The following CALCRL variants were observed in gnomAD, a reference collection of about 807,000 sequenced individuals.
The protein encoded by CALCRL is calcitonin gene-related peptide type 1 receptor.
Under a neutral mutation model 60.4 loss-of-function variants are expected in CALCRL, and 27 were observed. The observed-to-expected ratio is 0.45, with a 90% CI of 0.33 to 0.62. The LOEUF (loss-of-function observed/expected upper bound fraction) is 0.62. Among genes scored for constraint, CALCRL ranks in the 20% least tolerant of loss-of-function variants. The probability of loss-of-function intolerance (pLI) is 0.03; values close to 1 mark genes in which losing one functional copy is unlikely to be tolerated. For synonymous variants in CALCRL, 190 were observed against 182.6 expected (o/e 1.04, Z -0.33); for missense variants, 424 against 540.7 (o/e 0.78, Z 2.14).
At chr2:187,383,691 C>G (rs917712334) in intron 4 of CALCRL, among the ~76,000 whole-genome samples, 2 of 152,134 alleles carry the variant, frequency 1.3e-5, no homozygotes, top group East Asian at 1.9e-4. Flanking sequence ...GTCCCCTCCC[C>G]CAAAGCCTCT....
chr2:187,363,651 C>A, intron 8 of CALCRL, 149 bp from the exon 9 acceptor site: 1 of 807,676 alleles, frequency 1.2e-6, no homozygotes. Context: ...TTACAAAAAT[C>A]TTAATTAGGG....
intron 1 of CALCRL, among the ~76,000 whole-genome samples, chr2:187,438,126 C>G (rs1690731501): frequency 6.6e-6 from 1 of 152,042 alleles, no homozygotes; most frequent in Non-Finnish European, 1.5e-5. Flanking sequence ...AAAGTTAACA[C>G]TGAATCTCAA....
chr2:187,386,539 A>G (rs1264368872), intron 3 of CALCRL, among the ~76,000 whole-genome samples: 1 of 152,150 alleles, frequency 6.6e-6, no homozygotes, highest in Non-Finnish European at 1.5e-5. Flanking sequence ...GAATATTTTT[A>G]ATACTAAGTA....
chr2:187,362,582 A>ACACG (rs1247164171), intron 9 of CALCRL, among the ~76,000 whole-genome samples: 2 of 151,830 alleles, frequency 1.3e-5, no homozygotes, highest in African/African-American at 4.8e-5. Flanking sequence ...ATAGACACAC[A>ACACG]CACACACAAA....
intron 1 of CALCRL, among the ~76,000 whole-genome samples, chr2:187,434,636 G>A (rs1259567117): frequency 6.6e-6 from 1 of 152,160 alleles, no homozygotes; most frequent in Non-Finnish European, 1.5e-5. Flanking sequence ...TGTGTACCAG[G>A]AGATATGTTA....
At chr2:187,408,202 G>C (rs1329073720) in intron 1 of CALCRL, among the ~76,000 whole-genome samples, 2 of 151,862 alleles carry the variant, frequency 1.3e-5, no homozygotes, top group African/African-American at 4.8e-5. Flanking sequence ...AACCTTTTCT[G>C]GTTAATTTAC....
At chr2:187,381,525 G>A (rs915516811) in intron 5 of CALCRL, among the ~76,000 whole-genome samples, 3 of 150,468 alleles carry the variant, frequency 2.0e-5, no homozygotes, top group Non-Finnish European at 4.4e-5. Context: ...GTGTGATCTC[G>A]GCTCACTGCA....
Position 187,366,067 on chromosome 2 carries a change from C to T in CALCRL, c.501-2565G>A, listed in dbSNP as rs527898608. Among the ~76,000 whole-genome samples the T allele has an allele frequency of 2.6e-4, 39 of 150,806 alleles. No homozygotes were observed. The South Asian group carries it at 7.6e-3, about 29-fold the overall frequency. ...GACCATCCTGGCTAACAAGGTGAAA[C>T]CCCGTCTCTACTAAAAATACAAAAA... On this transcript the variant is annotated intron_variant, in intron 8 of 14. Coordinates refer to ENST00000392370, the MANE Select transcript of CALCRL (RefSeq NM_005795.6).
At chr2:187,419,049 G>A (rs79646219) in intron 1 of CALCRL, among the ~76,000 whole-genome samples, 1 of 62,482 alleles carries the variant, frequency 1.6e-5, no homozygotes, top group East Asian at 4.5e-4. Flanking sequence ...TTTTTTTTTG[G>A]TATTTTAGTA....
intron 1 of CALCRL, among the ~76,000 whole-genome samples, chr2:187,410,864 A>AGT (rs200644969): frequency 6.7e-5 from 10 of 150,210 alleles, no homozygotes; most frequent in East Asian, 4.1e-4. Flanking sequence ...AGAGGCTCAA[A>AGT]GTGTGTGTGT....
At chr2:187,405,357 G>A (rs1405222005) in intron 1 of CALCRL, among the ~76,000 whole-genome samples, 2 of 151,980 alleles carry the variant, frequency 1.3e-5, no homozygotes, top group Admixed American at 6.6e-5. Flanking sequence ...ATATTTTAGC[G>A]TGAATAAGGA....
At chr2:187,370,958 T>G (rs1382066836) in intron 8 of CALCRL, among the ~76,000 whole-genome samples, 1 of 152,124 alleles carries the variant, frequency 6.6e-6, no homozygotes, top group Non-Finnish European at 1.5e-5. Flanking sequence ...AATAAAACAT[T>G]TAAGAAAACC....
intron 1 of CALCRL, among the ~76,000 whole-genome samples, chr2:187,401,133 T>C (rs1688871508): frequency 6.6e-6 from 1 of 151,648 alleles, no homozygotes; most frequent in Admixed American, 6.6e-5. Context: ...TTGTACACTT[T>C]AAGTGAGTGT....
At chr2:187,368,800 A>G (rs1263283692) in intron 8 of CALCRL, among the ~76,000 whole-genome samples, 2 of 152,146 alleles carry the variant, frequency 1.3e-5, no homozygotes, top group Non-Finnish European at 2.9e-5. Context: ...TTTCCCCCAA[A>G]AAACACTAGC....
chr2:187,438,389 CA>C, intron 1 of CALCRL, among the ~76,000 whole-genome samples: 1 of 152,206 alleles, frequency 6.6e-6, no homozygotes, highest in South Asian at 2.1e-4. Flanking sequence ...ATTTATACAT[CA>C]ACACTGAAAA....
rs1237694810 is a variant in CALCRL, at chr2:187,372,548, T to C, written c.500+6392A>G. 2.0e-5 allele frequency among the ~76,000 whole-genome samples: 3 copies of C among 152,154 alleles called. No homozygotes were observed. The East Asian group carries it at 5.8e-4, about 29-fold the overall frequency. On this transcript the variant is annotated intron_variant, in intron 8 of 14. Transcript: ENST00000392370. ...ACTGTTTTGTGTTCTCTGTTTCTAA[T>C]TTAAAGAATGGATGAGTGGTAGACT... is the stretch of plus-strand genomic sequence containing the variant.
At chr2:187,417,051 C>T (rs571126723) in intron 1 of CALCRL, among the ~76,000 whole-genome samples, 16 of 151,972 alleles carry the variant, frequency 1.1e-4, no homozygotes, top group Admixed American at 5.9e-4. Flanking sequence ...CAATTCTTGA[C>T]GAATAATGAG....
intron 1 of CALCRL, among the ~76,000 whole-genome samples, chr2:187,410,797 G>T (rs533527539): frequency 6.6e-5 from 10 of 152,170 alleles, no homozygotes; most frequent in African/African-American, 1.9e-4. Context: ...GTGCATGTGG[G>T]CCTTGATAAT....
chr2:187,432,605 C>T (rs1690449685), intron 1 of CALCRL, among the ~76,000 whole-genome samples: 2 of 152,000 alleles, frequency 1.3e-5, no homozygotes, highest in Non-Finnish European at 2.9e-5. Context: ...GAAAAATTAC[C>T]TTGTAAATGT....
Sources: gnomAD v4.1 joint callset for allele counts (sites outside exome capture counted in the v4.1 genomes callset) on GRCh38, gnomAD v4.1.1 for gene constraint, MANE v1.5 for transcripts, NCBI Gene and HGNC (gene_info 2026-07-23, HGNC 2026-07-21) for gene names.